Variants in SGCZ observed in about 807,000 individuals in gnomAD.
The protein encoded by SGCZ is sarcoglycan zeta, also known as zeta-sarcoglycan.
A neutral mutation model predicts 41.3 loss-of-function variants in SGCZ; 40 were observed. The ratio of observed to expected loss-of-function variants is 0.97; its 90% CI spans 0.75 to 1.26. The LOEUF is 1.26. SGCZ is among the 50% of genes most tolerant of loss of function. The pLI is 0.00. For synonymous variants in SGCZ, 206 were observed against 137.5 expected (o/e 1.50, Z -3.49); for missense variants, 552 against 369.8 (o/e 1.49, Z -4.04).
intron 1 of SGCZ, among the ~76,000 whole-genome samples, chr8:14,623,362 G>C (rs993903039): frequency 6.6e-6 from 1 of 152,126 alleles, no homozygotes; most frequent in Admixed American, 6.6e-5. Flanking sequence ...TAATTAAAAG[G>C]AACATCTCTT....
At chr8:14,253,750 C>T (rs955113953) in intron 3 of SGCZ, among the ~76,000 whole-genome samples, 2 of 151,994 alleles carry the variant, frequency 1.3e-5, no homozygotes, top group African/African-American at 4.8e-5. Flanking sequence ...TCTTGCTTTA[C>T]AGAACGAGCT....
chr8:14,521,326 A>G (rs140611165), intron 2 of SGCZ, among the ~76,000 whole-genome samples: 97 of 152,068 alleles, frequency 6.4e-4, no homozygotes, highest in African/African-American at 2.2e-3. Flanking sequence ...GGGGAATTGG[A>G]TTTTTTTCAC....
intron 1 of SGCZ, among the ~76,000 whole-genome samples, chr8:15,001,775 T>C (rs1802431527): frequency 7.0e-6 from 1 of 142,888 alleles, no homozygotes; most frequent in African/African-American, 2.6e-5. Flanking sequence ...TTGAGTGTAA[T>C]AATGATTAAT....
intron 2 of SGCZ, among the ~76,000 whole-genome samples, chr8:14,517,421 T>TTAAG (rs1323529096): frequency 6.6e-6 from 1 of 152,074 alleles, no homozygotes; most frequent in African/African-American, 2.4e-5. Context: ...ACATAATAAT[T>TTAAG]TAAGTCCATA....
chr8:14,996,105 A>G (rs1484381451), intron 1 of SGCZ, among the ~76,000 whole-genome samples: 10 of 151,974 alleles, frequency 6.6e-5, no homozygotes, highest in Non-Finnish European at 1.5e-4. Flanking sequence ...GGGTTTCACC[A>G]TGTTAGCCAG....
chr8:14,182,339 A>G (rs1171819838), intron 4 of SGCZ, among the ~76,000 whole-genome samples: 3 of 152,170 alleles, frequency 2.0e-5, no homozygotes, highest in Non-Finnish European at 4.4e-5. Flanking sequence ...CATCCTGGAG[A>G]GCATCTGAGA....
intron 1 of SGCZ, among the ~76,000 whole-genome samples, chr8:14,978,283 C>A (rs1171637170): frequency 6.6e-6 from 1 of 151,552 alleles, no homozygotes; most frequent in African/African-American, 2.4e-5. Flanking sequence ...GCCTGGCCAA[C>A]ATGGTGAAAT....
At chr8:14,646,737 A>G (rs1236737772) in intron 1 of SGCZ, among the ~76,000 whole-genome samples, 1 of 151,902 alleles carries the variant, frequency 6.6e-6, no homozygotes, top group Non-Finnish European at 1.5e-5. Context: ...AAAAAATGAC[A>G]TTACTTATTA....
In SGCZ at chr8:14,263,824, C is replaced by T. The variant is rs539836244; in HGVS notation, c.337-26145G>A. Among the ~76,000 whole-genome samples, 8 of 152,302 alleles carry T rather than the reference C, an allele frequency of 5.3e-5. No homozygotes were observed. In the East Asian group the frequency reaches 1.5e-3, roughly 30 times the overall value. On this transcript the variant is annotated intron_variant, in intron 3 of 7. Coordinates refer to ENST00000382080, the MANE Select transcript of SGCZ (RefSeq NM_139167.4). The stretch of plus-strand genomic sequence containing the variant: ...GTCACACTGCCATCTTCACCCCTCT[C>T]CCAACTCCAAGAAGCACAACTCAGA...
At chr8:14,672,109 C>A (rs759570020) in intron 1 of SGCZ, among the ~76,000 whole-genome samples, 3 of 151,978 alleles carry the variant, frequency 2.0e-5, no homozygotes, top group Non-Finnish European at 4.4e-5. Flanking sequence ...ATAAATAATG[C>A]GGGAATTTAA....
chr8:14,183,045 G>C (rs1168475473), intron 4 of SGCZ, among the ~76,000 whole-genome samples: 2 of 149,582 alleles, frequency 1.3e-5, no homozygotes, highest in South Asian at 2.1e-4. Flanking sequence ...CTAATGTGTC[G>C]TAAAGTTGAT....
chr8:14,949,650 T>G (rs1424588001), intron 1 of SGCZ, among the ~76,000 whole-genome samples: 1 of 152,150 alleles, frequency 6.6e-6, no homozygotes, highest in African/African-American at 2.4e-5. Context: ...TGGAGGTCAT[T>G]TTGCTGGCAC....
intron 1 of SGCZ, among the ~76,000 whole-genome samples, chr8:14,811,883 A>G (rs1006444310): frequency 6.6e-6 from 1 of 151,990 alleles, no homozygotes; most frequent in Non-Finnish European, 1.5e-5. Flanking sequence ...CTTTTATTTC[A>G]ATTATATATA....
At chr8:14,605,728 A>T (rs1262099947) in intron 1 of SGCZ, among the ~76,000 whole-genome samples, 1 of 152,220 alleles carries the variant, frequency 6.6e-6, no homozygotes, top group Non-Finnish European at 1.5e-5. Flanking sequence ...ATTTGCAGAT[A>T]TAGTTACTGT....
At chr8:14,623,190 C>A (rs979394601) in intron 1 of SGCZ, among the ~76,000 whole-genome samples, 23 of 152,106 alleles carry the variant, frequency 1.5e-4, no homozygotes, top group Admixed American at 1.0e-3. Flanking sequence ...ACGAAATAAC[C>A]AATCAAGATG....
chr8:14,988,655 C>G (rs1331870186), intron 1 of SGCZ, among the ~76,000 whole-genome samples: 1 of 151,922 alleles, frequency 6.6e-6, no homozygotes, highest in Non-Finnish European at 1.5e-5. Flanking sequence ...AACTGTTATT[C>G]TAATAGTTAG....
intron 1 of SGCZ, among the ~76,000 whole-genome samples, chr8:15,207,173 A>G (rs1801095167): frequency 6.6e-6 from 1 of 152,166 alleles, no homozygotes; most frequent in Non-Finnish European, 1.5e-5. Flanking sequence ...TAAGAGCAGA[A>G]AAAGCTGTTT....
intron 1 of SGCZ, among the ~76,000 whole-genome samples, chr8:14,981,676 A>G (rs1362592176): frequency 6.6e-6 from 1 of 152,188 alleles, no homozygotes; most frequent in Non-Finnish European, 1.5e-5. Context: ...GCCAATGTAC[A>G]TGATTCTATG....
chr8:14,454,851 C>T lies in SGCZ; in HGVS notation c.234+99881G>A, dbSNP rs554582682. 7.9e-5 allele frequency among the ~76,000 whole-genome samples: 12 copies of T among 152,240 alleles called. No individual in the cohort carries two copies. In the South Asian group the frequency reaches 1.0e-3, roughly 13 times the overall value. On this transcript the variant is annotated intron_variant, in intron 2 of 7. Coordinates refer to ENST00000382080, the MANE Select transcript of SGCZ (RefSeq NM_139167.4). Reference sequence around the variant, plus strand: ...TTTAAAAATATTAAGGTTAAATATACATCTAACATCATACACGACAATAAA... The same window carrying T: ...TTTAAAAATATTAAGGTTAAATATATATCTAACATCATACACGACAATAAA...
Sources: gnomAD v4.1 joint callset for allele counts (sites outside exome capture counted in the v4.1 genomes callset) on GRCh38, gnomAD v4.1.1 for gene constraint, MANE v1.5 for transcripts, NCBI Gene and HGNC (gene_info 2026-07-23, HGNC 2026-07-21) for gene names.